Variants in PIK3CB observed in about 807,000 individuals in gnomAD.
PIK3CB encodes phosphatidylinositol-4,5-bisphosphate 3-kinase catalytic subunit beta.
PIK3CB carries 39 observed loss-of-function variants against 136.8 expected under a neutral mutation model. The ratio of observed to expected loss-of-function variants is 0.29; its 90% confidence interval spans 0.22 to 0.37. The LOEUF (loss-of-function observed/expected upper bound fraction) is 0.37, where lower values mean the gene tolerates loss of function less well. PIK3CB is among the 10% of genes least tolerant of loss of function. The pLI is 1.00. For missense variants in PIK3CB, 868 were observed against 1,275.4 expected (o/e 0.68, Z 4.87); for synonymous variants, 428 against 436.6 (o/e 0.98, Z 0.25).
chr3:138,667,332 G>C (rs1052586672), intron 19 of PIK3CB, among the ~76,000 whole-genome samples: 5 of 151,972 alleles, frequency 3.3e-5, no homozygotes, highest in South Asian at 4.2e-4. Context: ...AGACCATGCA[G>C]GTTCCTGTTG....
intron 10 of PIK3CB, among the ~76,000 whole-genome samples, chr3:138,711,627 AAT>A (rs1489462720): frequency 6.6e-6 from 1 of 151,668 alleles, no homozygotes; most frequent in Non-Finnish European, 1.5e-5. Context: ...TTCATTCCTA[AAT>A]ATGGTATGGA....
chr3:138,704,041 T>C (rs2108547802), intron 12 of PIK3CB, among the ~76,000 whole-genome samples: 1 of 152,338 alleles, frequency 6.6e-6, no homozygotes, highest in Middle Eastern at 3.4e-3. Flanking sequence ...ATGTTAAATA[T>C]GGCAGAGCAC....
At chr3:138,783,115 C>G (rs773798113) in intron 2 of PIK3CB, among the ~76,000 whole-genome samples, 2 of 152,164 alleles carry the variant, frequency 1.3e-5, no homozygotes, top group Non-Finnish European at 2.9e-5. Flanking sequence ...AACTTTTATC[C>G]TTGTTCATTA....
At chr3:138,734,032 A>G (rs1229137180) in intron 7 of PIK3CB, among the ~76,000 whole-genome samples, 1 of 152,200 alleles carries the variant, frequency 6.6e-6, no homozygotes, top group Admixed American at 6.5e-5. Flanking sequence ...TTAAGAGCTG[A>G]CCATTTATAT....
At chr3:138,783,736 G>A (rs75439469) in intron 2 of PIK3CB, among the ~76,000 whole-genome samples, 4,756 of 152,134 alleles carry the variant, frequency 0.031, 254 homozygotes, top group African/African-American at 0.11. Context: ...AGGCTGGTAG[G>A]TCAAATTAAG....
At chr3:138,669,100 C>T (rs1342353077) in intron 19 of PIK3CB, among the ~76,000 whole-genome samples, 2 of 152,098 alleles carry the variant, frequency 1.3e-5, no homozygotes, top group Non-Finnish European at 2.9e-5. Context: ...CATTAAATAA[C>T]TTTTGTATAG....
intron 19 of PIK3CB, among the ~76,000 whole-genome samples, chr3:138,669,031 T>TA (rs1184012642): frequency 6.6e-6 from 1 of 152,242 alleles, no homozygotes; most frequent in Non-Finnish European, 1.5e-5. Context: ...ATCTTTTACC[T>TA]AATGCTTGCA....
chr3:138,695,639 A>T (rs2044120155), intron 13 of PIK3CB, among the ~76,000 whole-genome samples: 1 of 152,198 alleles, frequency 6.6e-6, no homozygotes, highest in Admixed American at 6.5e-5. Context: ...TTTAAAAATT[A>T]GCTTAATTTT....
intron 1 of PIK3CB, among the ~76,000 whole-genome samples, chr3:138,818,097 G>A (rs1933413049): frequency 6.6e-6 from 1 of 152,180 alleles, no homozygotes; most frequent in Admixed American, 6.5e-5. Context: ...TTCAAGTCCA[G>A]CCTGGGTAAC....
At chr3:138,677,820 G>A (rs1469551905) in intron 19 of PIK3CB, among the ~76,000 whole-genome samples, 2 of 152,030 alleles carry the variant, frequency 1.3e-5, no homozygotes, top group South Asian at 4.1e-4. Context: ...ACTTGAACCT[G>A]GGAGGCGGAG....
chr3:138,727,501 C>T (rs529550995), intron 8 of PIK3CB, among the ~76,000 whole-genome samples: 45 of 152,352 alleles, frequency 3.0e-4, no homozygotes, highest in African/African-American at 9.6e-4. Flanking sequence ...GAGAAGACCC[C>T]AGCCAACAGC....
chr3:138,752,148 G>A (rs1486371977), intron 4 of PIK3CB, among the ~76,000 whole-genome samples: 1 of 151,884 alleles, frequency 6.6e-6, no homozygotes, highest in Admixed American at 6.6e-5. Context: ...AATATGGGGT[G>A]GCATACACCT....
intron 4 of PIK3CB, among the ~76,000 whole-genome samples, chr3:138,751,816 T>C (rs1274363421): frequency 6.6e-6 from 1 of 151,420 alleles, no homozygotes; most frequent in Non-Finnish European, 1.5e-5. Flanking sequence ...ACAAAAAATA[T>C]AAAAATTAGC....
At chr3:138,669,399 C>A (rs1300248049) in intron 19 of PIK3CB, among the ~76,000 whole-genome samples, 2 of 99,666 alleles carry the variant, frequency 2.0e-5, no homozygotes, top group African/African-American at 8.5e-5. Context: ...TACAGTGAGA[C>A]CCTGTTTCAA....
At chr3:138,718,515 T>C (rs2044659463) in intron 8 of PIK3CB, among the ~76,000 whole-genome samples, 3 of 152,164 alleles carry the variant, frequency 2.0e-5, no homozygotes, top group Admixed American at 2.0e-4. Context: ...AGCTCTTACG[T>C]TTAGTTAAAT....
intron 2 of PIK3CB, among the ~76,000 whole-genome samples, chr3:138,764,050 G>A (rs35692899): frequency 0.014 from 2,181 of 151,136 alleles, 63 homozygotes; most frequent in African/African-American, 0.05. Flanking sequence ...GGCGGAGGTT[G>A]CAGTGAGCCG....
At chr3:138,702,398 G>A (rs1292000918) in intron 12 of PIK3CB, among the ~76,000 whole-genome samples, 1 of 151,948 alleles carries the variant, frequency 6.6e-6, no homozygotes, top group Non-Finnish European at 1.5e-5. Flanking sequence ...ATTGTACTTT[G>A]TGCCTAATAA....
At chr3:138,826,832 G>A (rs1322525181) in intron 1 of PIK3CB, among the ~76,000 whole-genome samples, 1 of 152,128 alleles carries the variant, frequency 6.6e-6, no homozygotes, top group African/African-American at 2.4e-5. Context: ...ACTTTGGGAG[G>A]CCAAGGCAGG....
chr3:138,805,524 T>C lies in PIK3CB; in HGVS notation c.-121-8957A>G, dbSNP rs1013161903. Among the ~76,000 whole-genome samples the C allele has an allele frequency of 1.2e-4, 18 of 150,188 alleles. 1 individual carries two copies. The highest frequency in any genetic ancestry group is 9.3e-4 in the Admixed American group (14 of 15,070). ...GTCTCCAATAAAAATACAAAAAAATTAGCCAGGCGTGGTGGCACGCGCCTG... is the reference window on the plus strand; with the variant it reads ...GTCTCCAATAAAAATACAAAAAAATCAGCCAGGCGTGGTGGCACGCGCCTG... On this transcript the variant is annotated intron_variant, in intron 1 of 23. Transcript: ENST00000674063.
Sources: gnomAD v4.1 joint callset for allele counts (sites outside exome capture counted in the v4.1 genomes callset) on GRCh38, gnomAD v4.1.1 for gene constraint, MANE v1.5 for transcripts, NCBI Gene and HGNC (gene_info 2026-07-23, HGNC 2026-07-21) for gene names.